Variants in GALNTL6 observed in about 807,000 individuals in gnomAD.
The protein encoded by GALNTL6 is polypeptide N-acetylgalactosaminyltransferase-like 6.
GALNTL6 carries 46 observed loss-of-function variants against 73.7 expected under a neutral mutation model. That is an observed-to-expected ratio of 0.62 (90% confidence interval 0.49 to 0.80). GALNTL6 has a LOEUF of 0.80. Among genes scored for constraint, GALNTL6 ranks in the 30% least tolerant of loss-of-function variants. The pLI is 0.00. For missense variants in GALNTL6, 604 were observed against 755.0 expected (o/e 0.80, Z 2.34); for synonymous variants, 259 against 263.7 (o/e 0.98, Z 0.17).
chr4:172,179,341 T>G (rs986016361), intron 2 of GALNTL6, among the ~76,000 whole-genome samples: 1 of 149,054 alleles, frequency 6.7e-6, no homozygotes, highest in African/African-American at 2.5e-5. Flanking sequence ...TTTTAATGAT[T>G]GCCATTCTAA....
chr4:172,288,810 A>T (rs17058232), intron 3 of GALNTL6, among the ~76,000 whole-genome samples: 2,422 of 152,268 alleles, frequency 0.016, 68 homozygotes, highest in African/African-American at 0.055. Context: ...AATTGGACAT[A>T]GAGTTTGCCT....
At chr4:171,823,863 GGGT>G (rs1471780868) in intron 2 of GALNTL6, among the ~76,000 whole-genome samples, 1 of 150,758 alleles carries the variant, frequency 6.6e-6, no homozygotes, top group Admixed American at 6.6e-5. Context: ...ATAGATGGGT[GGGT>G]GGTGGTACTT....
At chr4:172,522,866 G>T (rs993483250) in intron 5 of GALNTL6, among the ~76,000 whole-genome samples, 4 of 152,014 alleles carry the variant, frequency 2.6e-5, no homozygotes, top group Non-Finnish European at 4.4e-5. Flanking sequence ...GTGTGCAACT[G>T]AGTAATTTAT....
intron 2 of GALNTL6, among the ~76,000 whole-genome samples, chr4:172,154,379 T>A (rs1734193091): frequency 6.6e-6 from 1 of 151,960 alleles, no homozygotes; most frequent in Non-Finnish European, 1.5e-5. Flanking sequence ...ACTACAGGCA[T>A]GCTCCACCAC....
intron 2 of GALNTL6, among the ~76,000 whole-genome samples, chr4:171,883,166 C>T (rs568174567): frequency 2.0e-4 from 30 of 152,042 alleles, no homozygotes; most frequent in Non-Finnish European, 4.4e-4. Flanking sequence ...GCCTGACAAA[C>T]ATGGTGAAAC....
chr4:172,157,241 G>A (rs1400557516), intron 2 of GALNTL6, among the ~76,000 whole-genome samples: 1 of 152,178 alleles, frequency 6.6e-6, no homozygotes, highest in Non-Finnish European at 1.5e-5. Flanking sequence ...TGTGCCTACA[G>A]CAAGATAGAA....
At position 172,916,198 on chromosome 4, in the gene GALNTL6, C is replaced by G. The variant is rs571295359; in HGVS notation, c.1042-14963C>G. 4.4e-3 allele frequency among the ~76,000 whole-genome samples: 670 copies of G among 152,128 alleles called. 4 individuals are homozygous for G. Among genetic ancestry groups the G allele is most frequent in the African/African-American group, 0.014 (575 of 41,512 alleles). On this transcript the variant is annotated intron_variant, in intron 8 of 12. Transcript: ENST00000506823. ...AAGGCCTTTGACAAAATTCAACAAC[C>G]CTTCATGCTAAAAACACTCAATAAA...
At chr4:171,853,345 C>T (rs1334499726) in intron 2 of GALNTL6, among the ~76,000 whole-genome samples, 2 of 151,408 alleles carry the variant, frequency 1.3e-5, no homozygotes, top group Non-Finnish European at 2.9e-5. Context: ...TGCCTCCTCA[C>T]ACCTTCCTCC....
chr4:172,429,504 T>C (rs1731362396), intron 5 of GALNTL6, among the ~76,000 whole-genome samples: 1 of 152,086 alleles, frequency 6.6e-6, no homozygotes, highest in South Asian at 2.1e-4. Flanking sequence ...CCTCTTAATA[T>C]CCTCACCTTA....
intron 2 of GALNTL6, among the ~76,000 whole-genome samples, chr4:171,950,004 A>G (rs1047835328): frequency 2.6e-5 from 4 of 152,220 alleles, no homozygotes; most frequent in Non-Finnish European, 5.9e-5. Context: ...GCCATCCAGT[A>G]GAACCATCAG....
chr4:172,831,192 A>G (rs1742618055), intron 7 of GALNTL6, among the ~76,000 whole-genome samples: 1 of 139,136 alleles, frequency 7.2e-6, no homozygotes, highest in Non-Finnish European at 1.5e-5. Flanking sequence ...AAAAAAAAAG[A>G]TTCAGAGTCA....
chr4:172,885,492 C>T (rs772820141), intron 8 of GALNTL6, among the ~76,000 whole-genome samples: 97 of 152,194 alleles, frequency 6.4e-4, no homozygotes, highest in Non-Finnish European at 1.2e-3. Flanking sequence ...AAAGTAAGAT[C>T]ATGTCATCTG....
chr4:172,560,359 G>A (rs28492917), intron 5 of GALNTL6, among the ~76,000 whole-genome samples: 2,409 of 151,984 alleles, frequency 0.016, 59 homozygotes, highest in African/African-American at 0.055. Context: ...TTAGCAGGGC[G>A]TGATGGTGCA....
At chr4:172,883,617 T>A (rs896244064) in intron 8 of GALNTL6, among the ~76,000 whole-genome samples, 1 of 152,064 alleles carries the variant, frequency 6.6e-6, no homozygotes, top group Non-Finnish European at 1.5e-5. Flanking sequence ...TCCAAACACC[T>A]CCCACCAGGC....
At chr4:172,062,954 C>T (rs1313611432) in intron 2 of GALNTL6, among the ~76,000 whole-genome samples, 4 of 152,210 alleles carry the variant, frequency 2.6e-5, no homozygotes, top group Non-Finnish European at 5.9e-5. Flanking sequence ...TTATTTTTCC[C>T]ACCATCTGTA....
chr4:172,272,083 G>T (rs777588284), intron 3 of GALNTL6, among the ~76,000 whole-genome samples: 4 of 152,028 alleles, frequency 2.6e-5, no homozygotes, highest in African/African-American at 4.8e-5. Flanking sequence ...CTCCCGAGTA[G>T]TTGGGACTAC....
At chr4:172,474,000 A>C (rs1408395397) in intron 5 of GALNTL6, among the ~76,000 whole-genome samples, 1 of 152,086 alleles carries the variant, frequency 6.6e-6, no homozygotes, top group African/African-American at 2.4e-5. Flanking sequence ...CATCTTTGAA[A>C]TGGCCTACAC....
intron 2 of GALNTL6, among the ~76,000 whole-genome samples, chr4:171,900,228 T>A (rs1256255625): frequency 6.6e-6 from 1 of 152,194 alleles, no homozygotes; most frequent in East Asian, 1.9e-4. Flanking sequence ...AGTCATCAAT[T>A]TTTTCATGAA....
intron 5 of GALNTL6, among the ~76,000 whole-genome samples, chr4:172,656,670 C>A (rs909043247): frequency 3.3e-5 from 5 of 152,182 alleles, no homozygotes; most frequent in African/African-American, 1.2e-4. Flanking sequence ...CTAAAGTGAC[C>A]AATTAACTAT....
Sources: gnomAD v4.1 joint callset for allele counts (sites outside exome capture counted in the v4.1 genomes callset) on GRCh38, gnomAD v4.1.1 for gene constraint, MANE v1.5 for transcripts, NCBI Gene and HGNC (gene_info 2026-07-23, HGNC 2026-07-21) for gene names.